The following BANF2 variants were observed in gnomAD, a reference collection of about 807,000 sequenced individuals.
BANF2 encodes BANF family member 2, also known as barrier-to-autointegration factor-like protein.
In BANF2, 4 loss-of-function variants were observed where a neutral mutation model predicts 8.0. That is an observed-to-expected ratio of 0.50 (90% CI 0.25 to 1.14). The LOEUF (loss-of-function observed/expected upper bound fraction) is 1.14. Among genes scored for constraint, BANF2 ranks in the 50% most tolerant of loss-of-function variants. BANF2 has a pLI of 0.16. For missense variants in BANF2, 96 were observed against 107.5 expected (o/e 0.89, Z 0.47); for synonymous variants, 50 against 40.6 (o/e 1.23, Z -0.88).
intron 3 of BANF2, among the ~76,000 whole-genome samples, chr20:17,730,614 GTCCCATCTCC>G (rs1963324297): frequency 6.6e-6 from 1 of 152,178 alleles, no homozygotes; most frequent in African/African-American, 2.4e-5. Context: ...GCTCAGGGGC[GTCCCATCTCC>G]TCCCTCCGTT....
At chr20:17,716,171 T>C (rs575501003) in intron 1 of BANF2, among the ~76,000 whole-genome samples, 9 of 152,286 alleles carry the variant, frequency 5.9e-5, no homozygotes, top group Non-Finnish European at 1.2e-4. Flanking sequence ...TGGAGCCCTG[T>C]GGAAGCTCTT....
intron 1 of BANF2, among the ~76,000 whole-genome samples, chr20:17,721,383 T>A (rs1183486887): frequency 7.7e-4 from 4 of 5,216 alleles, no homozygotes; most frequent in African/African-American, 1.9e-3. Context: ...TTTCTTTTTC[T>A]TTCTTTCTTT....
At chr20:17,701,958 C>T (rs977485737) in intron 1 of BANF2, among the ~76,000 whole-genome samples, 14 of 152,176 alleles carry the variant, frequency 9.2e-5, no homozygotes, top group African/African-American at 3.1e-4. Flanking sequence ...TTACAAAATG[C>T]CTGCTGCATG....
intron 1 of BANF2, among the ~76,000 whole-genome samples, chr20:17,705,802 A>G (rs1415401627): frequency 6.6e-6 from 1 of 152,254 alleles, no homozygotes; most frequent in Non-Finnish European, 1.5e-5. Context: ...ATGTTGAGGC[A>G]TACTTCATGC....
chr20:17,700,694 A>G (rs945158282), intron 1 of BANF2, among the ~76,000 whole-genome samples: 5 of 152,202 alleles, frequency 3.3e-5, no homozygotes, highest in Non-Finnish European at 5.9e-5. Context: ...GGTAGCGGGG[A>G]CAGGGACAGA....
intron 1 of BANF2, among the ~76,000 whole-genome samples, chr20:17,700,856 C>A (rs1391077873): frequency 6.6e-6 from 1 of 152,182 alleles, no homozygotes; most frequent in African/African-American, 2.4e-5. Flanking sequence ...CCTACCATGG[C>A]CCATTCGTGT....
At chr20:17,714,675 ATT>A (rs571252309) in intron 1 of BANF2, among the ~76,000 whole-genome samples, 1 of 149,848 alleles carries the variant, frequency 6.7e-6, no homozygotes, top group Non-Finnish European at 1.5e-5. Context: ...GGAATTCAAA[ATT>A]TTTTTTTTTG....
chr20:17,727,646 C>T (rs987811848), intron 3 of BANF2, among the ~76,000 whole-genome samples: 1 of 151,810 alleles, frequency 6.6e-6, no homozygotes, highest in African/African-American at 2.4e-5. Context: ...TCAGGGCCAG[C>T]AATGACAGCA....
At chr20:17,730,125 C>T (rs1470936994) in intron 3 of BANF2, among the ~76,000 whole-genome samples, 2 of 152,236 alleles carry the variant, frequency 1.3e-5, no homozygotes, top group Admixed American at 6.5e-5. Context: ...AGAAGCAACA[C>T]TTGGCATTTG....
At chr20:17,718,286 C>CCT (rs1483133525) in intron 1 of BANF2, among the ~76,000 whole-genome samples, 1 of 152,136 alleles carries the variant, frequency 6.6e-6, no homozygotes, top group African/African-American at 2.4e-5. Context: ...CTCACTGCAA[C>CCT]CTCTGCCTCC....
chr20:17,729,038 G>T (rs2037854189), intron 3 of BANF2, among the ~76,000 whole-genome samples: 2 of 152,242 alleles, frequency 1.3e-5, no homozygotes, highest in South Asian at 4.1e-4. Context: ...TTTTACTGTG[G>T]CTACTAGGAA....
chr20:17,697,989 G>C (rs1403564290), upstream of BANF2, among the ~76,000 whole-genome samples: 1 of 152,032 alleles, frequency 6.6e-6, no homozygotes, highest in African/African-American at 2.4e-5. Context: ...CGGATCATCT[G>C]AGGTCAGGAG....
upstream of BANF2, among the ~76,000 whole-genome samples, chr20:17,695,757 G>A (rs1189000019): frequency 4.6e-5 from 7 of 152,104 alleles, no homozygotes; most frequent in East Asian, 1.9e-4. Flanking sequence ...GTATACACCC[G>A]AGTAATCATC....
At chr20:17,707,648 C>T (rs963258865) in intron 1 of BANF2, among the ~76,000 whole-genome samples, 19 of 152,080 alleles carry the variant, frequency 1.2e-4, no homozygotes, top group African/African-American at 4.1e-4. Flanking sequence ...GGCACGATCT[C>T]GGCTCATTGC....
intron 1 of BANF2, chr20:17,712,297 A>T (rs2037585048): frequency 6.5e-6 from 1 of 152,858 alleles, no homozygotes; most frequent in African/African-American, 2.4e-5. Context: ...CTTCGGCCCT[A>T]TCTTGCCCTG....
intron 3 of BANF2, among the ~76,000 whole-genome samples, chr20:17,725,733 A>G (rs2037799365): frequency 6.6e-6 from 1 of 152,254 alleles, no homozygotes. Flanking sequence ...AGGATGAGAC[A>G]GTCCCAAAGA....
At chr20:17,710,880 T>G (rs1365508172) in intron 1 of BANF2, among the ~76,000 whole-genome samples, 3 of 121,460 alleles carry the variant, frequency 2.5e-5, no homozygotes, top group Non-Finnish European at 5.0e-5. Flanking sequence ...AACCCAGGGC[T>G]GGGTGTGTGG....
intron 1 of BANF2, among the ~76,000 whole-genome samples, chr20:17,709,991 G>C (rs559386626): frequency 6.6e-6 from 1 of 152,236 alleles, no homozygotes; most frequent in East Asian, 1.9e-4. Context: ...ATGTGAGACC[G>C]GGAAGGGAAG....
intron 1 of BANF2, among the ~76,000 whole-genome samples, chr20:17,714,414 A>G (rs1286605970): frequency 1.3e-5 from 2 of 152,224 alleles, no homozygotes; most frequent in Admixed American, 6.5e-5. Context: ...AAATGCAACC[A>G]GAAATAGTCC....
Sources: allele counts gnomAD v4.1 joint callset (sites outside exome capture counted in the v4.1 genomes callset), GRCh38; gene constraint gnomAD v4.1.1; transcripts MANE v1.5; gene names NCBI Gene and HGNC (gene_info 2026-07-23, HGNC 2026-07-21).